Variants in TTC3 observed in about 807,000 individuals in gnomAD.
TTC3 encodes the protein E3 ubiquitin-protein ligase TTC3.
A neutral mutation model predicts 249.6 loss-of-function variants in TTC3; 180 were observed. The observed-to-expected ratio is 0.72, with a 90% confidence interval of 0.64 to 0.82. TTC3 has a LOEUF of 0.82. Among genes scored for constraint, TTC3 ranks in the 40% least tolerant of loss-of-function variants. TTC3 has a pLI of 0.00. For synonymous variants in TTC3, 717 were observed against 805.0 expected, an observed-to-expected ratio of 0.89 and a Z score of 1.85; for missense variants, 2,061 against 2,398.4, an observed-to-expected ratio of 0.86 and a Z score of 2.94.
intron 10 of TTC3, among the ~76,000 whole-genome samples, chr21:37,099,647 A>G (rs192017695): frequency 4.1e-4 from 62 of 152,374 alleles, no homozygotes; most frequent in African/African-American, 1.3e-3. Flanking sequence ...TAAAAATCTC[A>G]TAATACCAAG....
intron 29 of TTC3, 149 bp downstream of exon 29, chr21:37,159,894 A>G (rs1438232706): frequency 1.9e-6 from 1 of 538,696 alleles, no homozygotes; most frequent in Non-Finnish European, 3.1e-6. Flanking sequence ...ACTATTATTC[A>G]TTAGAAAGTC....
intron 32 of TTC3, among the ~76,000 whole-genome samples, 169 bp from the exon 33 acceptor site, chr21:37,165,381 A>C (rs924919060): frequency 6.6e-6 from 1 of 152,186 alleles, no homozygotes; most frequent in Non-Finnish European, 1.5e-5. Context: ...TCTTTATAGT[A>C]TCATTGATTG....
intron 29 of TTC3, among the ~76,000 whole-genome samples, chr21:37,160,141 G>A (rs940873144): frequency 1.3e-5 from 2 of 151,844 alleles, no homozygotes; most frequent in Admixed American, 6.6e-5. Context: ...TTACGTTTAA[G>A]TTAAAACAGT....
intron 26 of TTC3, 128 bp downstream of exon 26, chr21:37,152,157 C>T: frequency 9.2e-7 from 1 of 1,083,888 alleles, no homozygotes; most frequent in Non-Finnish European, 1.3e-6. Context: ...TAATTTAATA[C>T]TATCACTGTC....
intron 5 of TTC3, among the ~76,000 whole-genome samples, chr21:37,089,639 G>C (rs1001141505): frequency 6.6e-6 from 1 of 151,974 alleles, no homozygotes; most frequent in Admixed American, 6.6e-5. Context: ...TCAGCCTCCC[G>C]AGTAGCTGGG....
chr21:37,166,408 C>A (rs2081260529), exon 33 of TTC3: 1 of 1,614,158 alleles, frequency 6.2e-7, no homozygotes, highest in Middle Eastern at 1.6e-4. Context: ...TTGCTGGTCA[C>A]CAGATTGCCT....
chr21:37,083,907 T>C (rs1478579407), intron 1 of TTC3: 2 of 152,134 alleles, frequency 1.3e-5, no homozygotes, highest in Admixed American at 6.5e-5. Flanking sequence ...AACTGGTACA[T>C]AGATAAACAC....
At chr21:37,179,757 C>T (rs567559400) in intron 35 of TTC3, among the ~76,000 whole-genome samples, 3 of 152,066 alleles carry the variant, frequency 2.0e-5, no homozygotes, top group South Asian at 2.1e-4. Flanking sequence ...GCCTCAGACT[C>T]CTGAGTAGAC....
chr21:37,126,962 C>A (rs914007621), intron 15 of TTC3, among the ~76,000 whole-genome samples: 1 of 151,900 alleles, frequency 6.6e-6, no homozygotes, highest in Non-Finnish European at 1.5e-5. Flanking sequence ...TCAAGCAATT[C>A]TCCTGCCTCA....
At position 37,108,497 on chromosome 21, in the gene TTC3, T is replaced by C. The variant is rs1309021054; in HGVS notation, c.900+51T>C. 2.0e-6 allele frequency: 3 copies of C among 1,530,884 alleles called. 1 individual carries two copies. The highest frequency in any genetic ancestry group is 1.8e-6 in the Non-Finnish European group (2 of 1,122,722). 94.8% of individuals were successfully genotyped at this position (1,530,884 alleles called of 1,614,324 possible). ...GAGCAAATAATGCCATACAACATTGTGAAAAATCTGTTTATAGGGTGTGTT... is the reference window on the plus strand; with the variant it reads ...GAGCAAATAATGCCATACAACATTGCGAAAAATCTGTTTATAGGGTGTGTT... On this transcript the variant is annotated intron_variant, in intron 11 of 45. Coordinates refer to ENST00000355666, the Ensembl canonical transcript of TTC3.
chr21:37,188,796 G>T (rs2083615372), intron 39 of TTC3, among the ~76,000 whole-genome samples: 1 of 152,072 alleles, frequency 6.6e-6, no homozygotes, highest in Non-Finnish European at 1.5e-5. Context: ...GATAACATTT[G>T]TATTTTGGAA....
At chr21:37,077,402 T>A (rs2071046194) in intron 1 of TTC3, among the ~76,000 whole-genome samples, 1 of 152,214 alleles carries the variant, frequency 6.6e-6, no homozygotes, top group Admixed American at 6.5e-5. Context: ...AATACTGCCG[T>A]ATCACTATAG....
intron 20 of TTC3, among the ~76,000 whole-genome samples, chr21:37,143,559 G>T (rs1421369481): frequency 3.3e-5 from 5 of 152,086 alleles, no homozygotes; most frequent in East Asian, 1.9e-4. Flanking sequence ...TCTCACACCA[G>T]TTAGAATGGC....
intron 37 of TTC3, among the ~76,000 whole-genome samples, chr21:37,186,406 A>C (rs2083284037): frequency 6.6e-6 from 1 of 152,018 alleles, no homozygotes; most frequent in Non-Finnish European, 1.5e-5. Context: ...GGCTCAAAGG[A>C]TAGGGAATGT....
chr21:37,170,366 A>G, intron 34 of TTC3, among the ~76,000 whole-genome samples: 1 of 152,244 alleles, frequency 6.6e-6, no homozygotes, highest in South Asian at 2.1e-4. Flanking sequence ...ATTTTTAAAC[A>G]TATAAACAGA....
At chr21:37,121,709 A>G (rs899234383) in intron 11 of TTC3, 108 bp from the exon 12 acceptor site, 15 of 1,056,378 alleles carry the variant, frequency 1.4e-5, no homozygotes, top group Non-Finnish European at 1.8e-5. Context: ...GACCTAATCT[A>G]ATATTTTAAG....
exon 34 of TTC3, chr21:37,167,573 C>A (rs974396033): frequency 1.2e-6 from 2 of 1,608,960 alleles, no homozygotes; most frequent in Non-Finnish European, 1.7e-6. Context: ...GAACATAATA[C>A]ACCAAGAAGT....
At chr21:37,085,101 T>G (rs193131278) in intron 1 of TTC3, among the ~76,000 whole-genome samples, 2 of 152,374 alleles carry the variant, frequency 1.3e-5, no homozygotes, top group Admixed American at 1.3e-4. Flanking sequence ...TTCGCTAGGC[T>G]TGAATGACCA....
chr21:37,166,519 T>C (rs991079694), exon 33 of TTC3: 2 of 1,614,030 alleles, frequency 1.2e-6, no homozygotes, highest in African/African-American at 2.7e-5. Context: ...ACAGAAATGA[T>C]GAGCACTGTG....
Sources: allele counts gnomAD v4.1 joint callset (sites outside exome capture counted in the v4.1 genomes callset), GRCh38; gene constraint gnomAD v4.1.1; transcripts MANE v1.5; gene names NCBI Gene and HGNC (gene_info 2026-07-23, HGNC 2026-07-21).